Variants in SMTNL2 observed in about 807,000 individuals in gnomAD.
The protein encoded by SMTNL2 is smoothelin-like protein 2.
SMTNL2 carries 43 observed loss-of-function variants against 44.1 expected under a neutral mutation model. The observed-to-expected ratio is 0.98, with a 90% CI of 0.76 to 1.26. The LOEUF (loss-of-function observed/expected upper bound fraction) is 1.26, where lower values mean the gene tolerates loss of function less well. Among genes scored for constraint, SMTNL2 ranks in the 50% most tolerant of loss-of-function variants. SMTNL2 has a pLI of 0.00. For synonymous variants in SMTNL2, 317 were observed against 287.6 expected (o/e 1.10, Z -1.03); for missense variants, 646 against 670.2 (o/e 0.96, Z 0.40).
rs916701686 is a variant in SMTNL2 at position 4,607,835 on chromosome 17, A to G, written c.*348A>G. ...ATTTTCCCTCTGGTGAATTCGATAC[A>G]TCGGCTTTACAGGGTTACAGTGATT... On this transcript the variant is annotated 3_prime_UTR_variant, in exon 8 of 8. Transcript: ENST00000389313. The surrounding 1 kb of genome is among the most constrained non-coding windows in gnomAD (Gnocchi z 4.7). 6 of 196,722 alleles carry G rather than the reference A, an allele frequency of 3.0e-5. No individual in the cohort carries two copies. Among genetic ancestry groups the G allele is most frequent in the Non-Finnish European group, 5.2e-5 (5 of 96,816 alleles). 12.2% of individuals were successfully genotyped at this position (196,722 alleles called of 1,614,324 possible). A position where few individuals can be genotyped will look rare whatever the true frequency, so the allele number is the denominator to read the frequency against.
chr17:4,597,795 A>G (rs748533429), intron 7 of SMTNL2, among the ~76,000 whole-genome samples: 4 of 152,124 alleles, frequency 2.6e-5, no homozygotes, highest in Admixed American at 6.5e-5. Flanking sequence ...CCTTCCCGAA[A>G]TGGTGTTCTG....
chr17:4,591,200 G>C (rs554501674), intron 1 of SMTNL2, among the ~76,000 whole-genome samples: 1 of 152,204 alleles, frequency 6.6e-6, no homozygotes, highest in Non-Finnish European at 1.5e-5. Flanking sequence ...CCCAATGGCA[G>C]GGTGGCACCT....
At chr17:4,587,801 G>C (rs997454090) in intron 1 of SMTNL2, among the ~76,000 whole-genome samples, 7 of 152,256 alleles carry the variant, frequency 4.6e-5, no homozygotes, top group African/African-American at 1.7e-4. Flanking sequence ...AATACAGGAA[G>C]GGTTGATCAA....
At chr17:4,603,958 C>T (rs964804928) in intron 7 of SMTNL2, among the ~76,000 whole-genome samples, 1 of 152,172 alleles carries the variant, frequency 6.6e-6, no homozygotes, top group African/African-American at 2.4e-5. Context: ...GATTCTCCTG[C>T]CTCAGCCTCC....
At chr17:4,589,525 G>C (rs1909479770) in intron 1 of SMTNL2, among the ~76,000 whole-genome samples, 1 of 152,118 alleles carries the variant, frequency 6.6e-6, no homozygotes, top group Non-Finnish European at 1.5e-5. Flanking sequence ...GCGTTTCTGA[G>C]AGTGGGCCTG....
intron 1 of SMTNL2, among the ~76,000 whole-genome samples, chr17:4,590,734 C>T (rs1277077831): frequency 6.6e-6 from 1 of 152,156 alleles, no homozygotes; most frequent in African/African-American, 2.4e-5. Context: ...CCTCCCAGTG[C>T]CCCATCTCCC....
At chr17:4,606,921 C>CA (rs1285965474) in intron 7 of SMTNL2, among the ~76,000 whole-genome samples, 1 of 151,542 alleles carries the variant, frequency 6.6e-6, no homozygotes, top group Non-Finnish European at 1.5e-5. Context: ...AAAAACAAAA[C>CA]AAAAAAACAA....
At chr17:4,585,104 G>T in intron 1 of SMTNL2, 100 bp downstream of exon 1, 2 of 1,218,636 alleles carry the variant, frequency 1.6e-6, no homozygotes, top group Non-Finnish European at 2.1e-6. Context: ...GCGTCTGCGG[G>T]GTTGGGGCCT....
At chr17:4,603,494 G>A (rs1449975550) in intron 7 of SMTNL2, among the ~76,000 whole-genome samples, 1 of 152,178 alleles carries the variant, frequency 6.6e-6, no homozygotes, top group Non-Finnish European at 1.5e-5. Flanking sequence ...AGCTGTCCTT[G>A]GAGGAAATTG....
chr17:4,597,402 G>A, intron 7 of SMTNL2, 79 bp downstream of exon 7: 1 of 1,568,744 alleles, frequency 6.4e-7, no homozygotes, highest in Non-Finnish European at 8.7e-7. Flanking sequence ...GGGGCATGGG[G>A]GCGAGTGGGA....
chr17:4,586,520 G>C (rs1597407633), intron 1 of SMTNL2, among the ~76,000 whole-genome samples: 2 of 146,408 alleles, frequency 1.4e-5, no homozygotes, highest in Non-Finnish European at 3.0e-5. Context: ...CAAAGAGAGA[G>C]AGAGAGAGAG....
intron 5 of SMTNL2, among the ~76,000 whole-genome samples, chr17:4,596,142 GT>G (rs1909801471): frequency 7.4e-6 from 1 of 134,708 alleles, no homozygotes; most frequent in African/African-American, 2.8e-5. Context: ...TGTGCAGGGT[GT>G]GGCCCAAGCG....
At chr17:4,585,111 G>A in intron 1 of SMTNL2, 107 bp downstream of exon 1, 1 of 1,201,614 alleles carries the variant, frequency 8.3e-7, no homozygotes, top group Non-Finnish European at 1.0e-6. Context: ...CGGGGTTGGG[G>A]CCTTCACCGG....
chr17:4,584,386 C>A (rs1909249844), upstream of SMTNL2, among the ~76,000 whole-genome samples: 2 of 152,142 alleles, frequency 1.3e-5, no homozygotes, highest in African/African-American at 2.4e-5. Flanking sequence ...AGGGGAGAGG[C>A]TGGGCGAGCT....
Position 4,605,946 on chromosome 17 carries a change from T to C in SMTNL2, c.1260-1415T>C, listed in dbSNP as rs1336176666. Among the ~76,000 whole-genome samples, 6 of 152,162 alleles carry C rather than the reference T, an allele frequency of 3.9e-5. No homozygotes were observed. In the East Asian group the frequency reaches 7.7e-4, roughly 20 times the overall value. On this transcript the variant is annotated intron_variant, in intron 7 of 7. Coordinates refer to ENST00000389313, the MANE Select transcript of SMTNL2 (RefSeq NM_001114974.2). Reference sequence around the variant, plus strand: ...TGAGCAGGGCGATGCGTCTTGACTGTTGACGTTCCTCCTCCCACGTCCACG... The same window carrying C: ...TGAGCAGGGCGATGCGTCTTGACTGCTGACGTTCCTCCTCCCACGTCCACG...
rs760684938 is a variant in SMTNL2, at chr17:4,595,282, G to A, written c.944G>A (p.Arg315Gln). Reference sequence around the variant, plus strand: ...CCCCGCACCTCGGAGGCGCAGGCCCGGAAAGCATTGTTTGAGAAGTGGGAG... The same window carrying A: ...CCCCGCACCTCGGAGGCGCAGGCCCAGAAAGCATTGTTTGAGAAGTGGGAG... The part of the protein sequence containing the change: ...TLPRTSEAQA[R>Q]KALFEKWEQE... Residue 315 changes from arginine to glutamine, a missense_variant, in exon 5 of 8, where the codon CGG becomes CAG. Transcript: ENST00000389313. The surrounding 1 kb of genome is among the most constrained non-coding windows in gnomAD (Gnocchi z 5.1). The A allele has an allele frequency of 2.5e-5, 40 of 1,613,106 alleles. No individual in the cohort carries two copies. The highest frequency in any genetic ancestry group is 3.3e-4 in the Middle Eastern group (2 of 6,084).
Position 4,607,629 on chromosome 17 carries a change from C to A in SMTNL2, c.*142C>A. 7.6e-7 allele frequency: 1 copy of A among 1,313,442 alleles called. No individual in the cohort carries two copies. The allele number at this position is 1,313,442 out of a possible 1,614,324, so 81.4% of individuals were successfully genotyped here. On this transcript the variant is annotated 3_prime_UTR_variant, in exon 8 of 8. Coordinates refer to ENST00000389313, the MANE Select transcript of SMTNL2 (RefSeq NM_001114974.2). This position sits in a 1 kb window ranked among gnomAD's most constrained non-coding sequence, Gnocchi z 4.7. ...GTTCTGTGGCATGTGACGGCACTCC[C>A]CTTCGAGCCCAGCTGTGTTACTGAT...
chr17:4,585,322 C>G (rs1909303816), intron 1 of SMTNL2, among the ~76,000 whole-genome samples: 1 of 152,270 alleles, frequency 6.6e-6, no homozygotes, highest in African/African-American at 2.4e-5. Context: ...CGGCCCCTGA[C>G]TGTTCAGCAC....
intron 1 of SMTNL2, among the ~76,000 whole-genome samples, chr17:4,587,532 A>G (rs1371634735): frequency 6.6e-6 from 1 of 152,146 alleles, no homozygotes; most frequent in Non-Finnish European, 1.5e-5. Flanking sequence ...TGGACCATGG[A>G]CATAGAGTCA....
Sources: gnomAD v4.1 joint callset for allele counts (sites outside exome capture counted in the v4.1 genomes callset) on GRCh38, gnomAD v4.1.1 for gene constraint, Gnocchi (gnomAD v3.1) non-coding constraint, MANE v1.5 for transcripts, NCBI Gene and HGNC (gene_info 2026-07-23, HGNC 2026-07-21) for gene names.